The following PAAF1 variants were observed in gnomAD, a reference collection of about 807,000 sequenced individuals.
PAAF1 encodes proteasomal ATPase-associated factor 1.
A neutral mutation model predicts 52.8 loss-of-function variants in PAAF1; 46 were observed. The ratio of observed to expected loss-of-function variants is 0.87; its 90% CI spans 0.69 to 1.11. The LOEUF (loss-of-function observed/expected upper bound fraction) is 1.11. Ranked by LOEUF, PAAF1 falls within the 50% of genes most tolerant of loss-of-function variation. PAAF1 has a pLI of 0.00. For synonymous variants in PAAF1, 178 were observed against 172.8 expected, an observed-to-expected ratio of 1.03 and a Z score of -0.24; for missense variants, 424 against 477.4, an observed-to-expected ratio of 0.89 and a Z score of 1.04.
chr11:73,921,685 A>C (rs1950224316), intron 10 of PAAF1: 1 of 825,386 alleles, frequency 1.2e-6, no homozygotes, highest in Admixed American at 1.8e-5. Flanking sequence ...AGACTCTAGC[A>C]TGAACTGTCT....
chr11:73,896,580 A>C (rs1949373185), intron 4 of PAAF1, among the ~76,000 whole-genome samples: 1 of 151,450 alleles, frequency 6.6e-6, no homozygotes, highest in Non-Finnish European at 1.5e-5. Flanking sequence ...CCCTGAGTGG[A>C]TACAGCACAT....
chr11:73,877,180 C>A, intron 1 of PAAF1, 112 bp downstream of exon 1: 2 of 1,142,350 alleles, frequency 1.8e-6, no homozygotes, highest in South Asian at 2.0e-5. Context: ...CGTCAATTGT[C>A]GAGGGATATG....
chr11:73,899,575 C>A (rs961371460), intron 5 of PAAF1, among the ~76,000 whole-genome samples: 2 of 152,038 alleles, frequency 1.3e-5, no homozygotes, highest in African/African-American at 4.8e-5. Context: ...CCACACACAT[C>A]TAATTTTTGT....
At chr11:73,923,488 G>A (rs2038795729) in intron 10 of PAAF1, among the ~76,000 whole-genome samples, 1 of 152,016 alleles carries the variant, frequency 6.6e-6, no homozygotes, top group Non-Finnish European at 1.5e-5. Context: ...GCTTTGTTTA[G>A]TTTTAAAGTT....
At chr11:73,924,132 T>G (rs1950294775) in intron 10 of PAAF1, among the ~76,000 whole-genome samples, 1 of 152,170 alleles carries the variant, frequency 6.6e-6, no homozygotes, top group East Asian at 1.9e-4. Context: ...CAGCTCAGCA[T>G]TCTAGGCAGC....
chr11:73,881,795 C>T (rs1352901066), intron 2 of PAAF1, among the ~76,000 whole-genome samples: 1 of 152,110 alleles, frequency 6.6e-6, no homozygotes, highest in African/African-American at 2.4e-5. Flanking sequence ...CAACCTCTGC[C>T]TCCTGGGTTC....
intron 9 of PAAF1, among the ~76,000 whole-genome samples, chr11:73,918,249 C>G (rs1042477593): frequency 4.6e-5 from 7 of 151,904 alleles, no homozygotes; most frequent in African/African-American, 1.7e-4. Context: ...ACAGGAGCTG[C>G]TCTGACCTTA....
Position 73,878,796 on chromosome 11 carries a change from C to T in PAAF1, c.65C>T (p.Ala22Val), listed in dbSNP as rs767713021. The T allele has an allele frequency of 6.2e-7, 1 of 1,613,130 alleles. No homozygotes were observed. Among genetic ancestry groups the T allele is most frequent in the East Asian group, 2.2e-5 (1 of 44,802 alleles). Residue 22 changes from alanine (A) to valine (V), a missense_variant, in exon 2 of 12, where the codon GCC becomes GTC. Transcript: ENST00000310571. Reference protein sequence around the residue: ...AQALRKDEGEAWLSCHPPGKP... With the variant: ...AQALRKDEGEVWLSCHPPGKP... ...CTTCGTAGGAAGGATGAAGGGGAGG[C>T]CTGGCTGAGCTGTCATCCCCCAGGT...
chr11:73,918,901 A>G, intron 9 of PAAF1, 49 bp from the exon 10 acceptor site: 1 of 1,417,574 alleles, frequency 7.1e-7, no homozygotes. Context: ...ATAGTCAAGT[A>G]TTGCTTTTGA....
intron 7 of PAAF1, among the ~76,000 whole-genome samples, chr11:73,913,320 C>T (rs189816782): frequency 1.4e-4 from 21 of 152,232 alleles, no homozygotes; most frequent in Admixed American, 4.6e-4. Context: ...TTAGGCTGGA[C>T]GTGGTAGCTC....
intron 10 of PAAF1, among the ~76,000 whole-genome samples, chr11:73,920,029 A>G (rs539785570): frequency 1.6e-4 from 25 of 152,132 alleles, no homozygotes; most frequent in Admixed American, 1.4e-3. Flanking sequence ...TGTTAAGGAA[A>G]GACTGGTGAA....
At chr11:73,897,122 T>G in intron 4 of PAAF1, among the ~76,000 whole-genome samples, 2 of 115,780 alleles carry the variant, frequency 1.7e-5, no homozygotes, top group South Asian at 3.3e-4. Flanking sequence ...CACTTCCCAG[T>G]AGGGGCGGCC....
At chr11:73,896,666 G>A (rs376697233) in intron 4 of PAAF1, among the ~76,000 whole-genome samples, 15 of 152,226 alleles carry the variant, frequency 9.9e-5, no homozygotes, top group East Asian at 3.9e-4. Flanking sequence ...TTCTTAGTAC[G>A]GAACAAAATG....
At chr11:73,891,619 A>T (rs182168407) in intron 4 of PAAF1, among the ~76,000 whole-genome samples, 2 of 152,064 alleles carry the variant, frequency 1.3e-5, no homozygotes, top group East Asian at 3.9e-4. Context: ...CCACAAAAAA[A>T]CAAAAATTAG....
intron 4 of PAAF1, among the ~76,000 whole-genome samples, chr11:73,897,892 C>T (rs1949460872): frequency 6.6e-6 from 1 of 151,800 alleles, no homozygotes; most frequent in African/African-American, 2.4e-5. Flanking sequence ...CCTGGGGCAC[C>T]ATTGAGCACT....
At chr11:73,889,955 A>G (rs544207689) in intron 3 of PAAF1, among the ~76,000 whole-genome samples, 97 of 152,244 alleles carry the variant, frequency 6.4e-4, no homozygotes, top group Admixed American at 1.4e-3. Context: ...GAGCATACTG[A>G]TTCAATGATG....
intron 4 of PAAF1, 51 bp downstream of exon 4, chr11:73,891,252 C>A: frequency 1.8e-6 from 2 of 1,088,278 alleles, no homozygotes; most frequent in Non-Finnish European, 2.7e-6. Flanking sequence ...GTTAATTTTT[C>A]ATTTTATTTG....
intron 3 of PAAF1, chr11:73,889,359 G>A (rs1208607842): frequency 1.5e-5 from 9 of 594,976 alleles, no homozygotes; most frequent in African/African-American, 3.8e-5. Context: ...ATGCTTAAAT[G>A]TCTAACCCTG....
At chr11:73,888,927 G>C (rs550786225) in intron 3 of PAAF1, 2 of 475,838 alleles carry the variant, frequency 4.2e-6, no homozygotes, top group South Asian at 9.1e-5. Flanking sequence ...AAATACTACA[G>C]AAGTTAGTTT....
Sources: allele counts gnomAD v4.1 joint callset (sites outside exome capture counted in the v4.1 genomes callset), GRCh38; gene constraint gnomAD v4.1.1; transcripts MANE v1.5; gene names NCBI Gene and HGNC (gene_info 2026-07-23, HGNC 2026-07-21).